EYS: variants seen among roughly 807,000 people sequenced by gnomAD.
The protein encoded by EYS is EGF-like photoreceptor maintenance factor.
A neutral mutation model predicts 282.1 loss-of-function variants in EYS; 250 were observed. The ratio of observed to expected loss-of-function variants is 0.89; its 90% CI spans 0.80 to 0.98. EYS has a LOEUF of 0.98. Ranked by LOEUF, EYS falls within the 50% of genes least tolerant of loss-of-function variation. EYS has a pLI of 0.00. For missense variants in EYS, 4,016 were observed against 3,709.0 expected (o/e 1.08, Z -2.15); for synonymous variants, 1,355 against 1,282.9 (o/e 1.06, Z -1.20).
intron 15 of EYS, among the ~76,000 whole-genome samples, chr6:64,932,913 A>G (rs1768772886): frequency 6.6e-6 from 1 of 152,026 alleles, no homozygotes; most frequent in South Asian, 2.1e-4. Context: ...AAAAACAAAA[A>G]CACTAGCTAC....
intron 29 of EYS, among the ~76,000 whole-genome samples, 154 bp downstream of exon 29, chr6:64,388,536 T>C (rs1375277253): frequency 6.6e-6 from 1 of 152,166 alleles, no homozygotes; most frequent in Non-Finnish European, 1.5e-5. Flanking sequence ...AAAATATATA[T>C]GTTAGTAGAG....
At chr6:64,160,890 G>T in intron 31 of EYS, among the ~76,000 whole-genome samples, 1 of 152,154 alleles carries the variant, frequency 6.6e-6, no homozygotes, top group Admixed American at 6.5e-5. Flanking sequence ...AAACATACTT[G>T]TGTGAATGAT....
chr6:63,783,066 A>C (rs1770276038), intron 39 of EYS, among the ~76,000 whole-genome samples: 1 of 152,070 alleles, frequency 6.6e-6, no homozygotes, highest in African/African-American at 2.4e-5. Flanking sequence ...GAGAGAAAAA[A>C]ATTGAACTCA....
chr6:64,012,589 G>C (rs746258244), intron 33 of EYS, among the ~76,000 whole-genome samples: 1 of 152,166 alleles, frequency 6.6e-6, no homozygotes, highest in Non-Finnish European at 1.5e-5. Context: ...TAGGCAGTAT[G>C]GGTGAAACTG....
intron 13 of EYS, among the ~76,000 whole-genome samples, chr6:65,056,822 T>C (rs865984017): frequency 2.0e-5 from 3 of 152,114 alleles, no homozygotes; most frequent in South Asian, 2.1e-4. Context: ...ATAACATTTC[T>C]CATTTAAATT....
At chr6:64,012,868 CTGTT>C (rs1768706848) in intron 33 of EYS, among the ~76,000 whole-genome samples, 1 of 152,128 alleles carries the variant, frequency 6.6e-6, no homozygotes, top group South Asian at 2.1e-4. Context: ...AAAAAGCATC[CTGTT>C]TTTGCTTAGA....
chr6:64,459,896 C>G (rs753893888), intron 26 of EYS, among the ~76,000 whole-genome samples: 20 of 151,386 alleles, frequency 1.3e-4, no homozygotes, highest in Non-Finnish European at 1.5e-4. Context: ...TCATTCCAAT[C>G]AAGTTGACAC....
chr6:64,861,887 G>T (rs1330301691), intron 19 of EYS, among the ~76,000 whole-genome samples: 1 of 151,866 alleles, frequency 6.6e-6, no homozygotes, highest in African/African-American at 2.4e-5. Flanking sequence ...ATAGATTTTG[G>T]TTTCTGACCA....
At chr6:64,417,773 A>C (rs1856441) in intron 28 of EYS, among the ~76,000 whole-genome samples, 41,813 of 148,996 alleles carry the variant, frequency 0.28, 5,940 homozygotes, top group East Asian at 0.47. Context: ...TGGGTTCAAG[A>C]GATTCTTCTG....
At chr6:64,299,442 T>C (rs1228906810) in intron 30 of EYS, among the ~76,000 whole-genome samples, 1 of 152,202 alleles carries the variant, frequency 6.6e-6, no homozygotes, top group Non-Finnish European at 1.5e-5. Flanking sequence ...TTGTGCAGCC[T>C]AGGTCTGTGG....
In EYS at chr6:65,199,838, A is replaced by C. The variant is rs145691589; in HGVS notation, c.2023+96025T>G. On this transcript the variant is annotated intron_variant, in intron 12 of 42. Transcript: ENST00000503581. The stretch of plus-strand genomic sequence containing the variant: ...CCTAGTCATCATTTGAAAGGCACCA[A>C]GGATGCATGGAGGAGAGTGACTGGA... Among the ~76,000 whole-genome samples, 866 of 152,232 alleles carry C rather than the reference A, an allele frequency of 5.7e-3. 10 individuals are homozygous for C. The highest frequency in any genetic ancestry group is 0.019 in the African/African-American group (808 of 41,562).
chr6:64,434,813 T>C (rs1774685129), intron 28 of EYS, among the ~76,000 whole-genome samples: 1 of 152,102 alleles, frequency 6.6e-6, no homozygotes. Flanking sequence ...GAAACTATAA[T>C]TATGATTTTT....
At chr6:64,922,952 A>T (rs1768396265) in intron 15 of EYS, among the ~76,000 whole-genome samples, 1 of 152,180 alleles carries the variant, frequency 6.6e-6, no homozygotes, top group Non-Finnish European at 1.5e-5. Context: ...AGGATTCAAG[A>T]TCCAGTATTA....
chr6:65,674,450 C>CAAAAAAAA (rs56958605), intron 1 of EYS, among the ~76,000 whole-genome samples: 10 of 34,770 alleles, frequency 2.9e-4, no homozygotes, highest in African/African-American at 7.3e-4. Flanking sequence ...GACTCCGTCT[C>CAAAAAAAA]AAAAAAAAAA....
chr6:63,895,134 G>A (rs1312402369), intron 35 of EYS, among the ~76,000 whole-genome samples: 2 of 99,018 alleles, frequency 2.0e-5, no homozygotes, highest in East Asian at 2.9e-4. Flanking sequence ...CATTAAACAT[G>A]CACTTGTGAG....
chr6:65,578,621 A>C (rs1643276156), intron 2 of EYS, among the ~76,000 whole-genome samples: 1 of 151,960 alleles, frequency 6.6e-6, no homozygotes, highest in African/African-American at 2.4e-5. Flanking sequence ...AAAAATGATA[A>C]GTGTGTGAGG....
At chr6:64,858,185 T>C (rs1430883956) in intron 19 of EYS, among the ~76,000 whole-genome samples, 1 of 152,166 alleles carries the variant, frequency 6.6e-6, no homozygotes, top group Admixed American at 6.5e-5. Context: ...ACCAATGTAA[T>C]GGAGATTGTT....
chr6:65,683,646 A>G (rs993411953), intron 1 of EYS, among the ~76,000 whole-genome samples: 1 of 152,002 alleles, frequency 6.6e-6, no homozygotes, highest in Non-Finnish European at 1.5e-5. Flanking sequence ...TCCATGTTTT[A>G]TTAAGATAAG....
intron 2 of EYS, among the ~76,000 whole-genome samples, chr6:65,556,222 G>C (rs965821536): frequency 6.6e-6 from 1 of 152,164 alleles, no homozygotes; most frequent in African/African-American, 2.4e-5. Context: ...TGTAGTCCTA[G>C]CTGTTCAGAA....
Sources: gnomAD v4.1 joint callset for allele counts (sites outside exome capture counted in the v4.1 genomes callset) on GRCh38, gnomAD v4.1.1 for gene constraint, MANE v1.5 for transcripts, NCBI Gene and HGNC (gene_info 2026-07-23, HGNC 2026-07-21) for gene names.